AHCTF1: variants seen among roughly 807,000 people sequenced by gnomAD.
The protein encoded by AHCTF1 is AT-hook containing transcription factor 1.
A neutral mutation model predicts 248.4 loss-of-function variants in AHCTF1; 24 were observed. That is an observed-to-expected ratio of 0.10 (90% confidence interval 0.07 to 0.14). AHCTF1 has a LOEUF of 0.14. Ranked by LOEUF, AHCTF1 falls within the 10% of genes least tolerant of loss-of-function variation. AHCTF1 has a pLI of 1.00. For missense variants in AHCTF1, 2,206 were observed against 2,636.2 expected, an observed-to-expected ratio of 0.84 and a Z score of 3.57; for synonymous variants, 786 against 929.8, an observed-to-expected ratio of 0.85 and a Z score of 2.81.
Position 246,840,935 on chromosome 1 carries a change from C to T in AHCTF1, c.6672G>A (p.Leu2224=). 6.2e-7 allele frequency: 1 copy of T among 1,612,010 alleles called. No homozygotes were observed. The highest frequency in any genetic ancestry group is 8.5e-7 in the Non-Finnish European group (1 of 1,179,184). The change falls in exon 36 of 36, where the codon TTG becomes TTA. Residue 2224 remains leucine (L), a synonymous_variant. Coordinates refer to ENST00000648844, the MANE Select transcript of AHCTF1 (RefSeq NM_001323342.2). The part of the protein sequence containing the change: ...PPIEIRLISP[L]ASPADGVKSK... ...TCTTGACTCCGTCAGCTGGGCTAGC[C>T]AAGGGGGAAATCAGCCGAATTTCTA...
chr1:246,890,177 G>T (rs554255767), intron 16 of AHCTF1, 118 bp from the exon 17 acceptor site: 1 of 651,414 alleles, frequency 1.5e-6, no homozygotes, highest in East Asian at 3.0e-5. Flanking sequence ...CCCACAGGGT[G>T]GGTATATTTA....
intron 24 of AHCTF1, 26 bp downstream of exon 24, chr1:246,876,011 A>G (rs756754128): frequency 6.4e-7 from 1 of 1,563,586 alleles, no homozygotes; most frequent in Non-Finnish European, 8.7e-7. Flanking sequence ...CCAATAGATT[A>G]TGATATTCTT....
At chr1:246,894,262 T>C (rs995861485) in intron 14 of AHCTF1, among the ~76,000 whole-genome samples, 2 of 152,300 alleles carry the variant, frequency 1.3e-5, no homozygotes, top group East Asian at 1.9e-4. Flanking sequence ...TTTTGGGACA[T>C]CTTCAAATTT....
In AHCTF1 at chr1:246,839,564, A is replaced by G. The variant is rs1659697974; in HGVS notation, c.*1242T>C. ...AAGGCCGCACTCGCACTGCTTTCAC[A>G]CTGTCAACACTTTGCGTAGGCATTT... On this transcript the variant is annotated 3_prime_UTR_variant, in exon 36 of 36. Transcript: ENST00000648844. 8.1e-6 allele frequency: 8 copies of G among 985,680 alleles called. 1 individual carries two copies. The highest frequency in any genetic ancestry group is 6.1e-5 in the Admixed American group (1 of 16,266). The allele number at this position is 985,680 out of a possible 1,614,324, so 61.1% of individuals were successfully genotyped here. A position where few individuals can be genotyped will look rare whatever the true frequency, so the allele number is the denominator to read the frequency against.
At chr1:246,909,106 T>TCTAC (rs1665609111) in intron 4 of AHCTF1, among the ~76,000 whole-genome samples, 1 of 150,028 alleles carries the variant, frequency 6.7e-6, no homozygotes, top group Admixed American at 6.7e-5. Context: ...TATCTATCTA[T>TCTAC]CTATTTATAT....
At chr1:246,904,362 T>A (rs1665233709) in intron 6 of AHCTF1, among the ~76,000 whole-genome samples, 1 of 152,210 alleles carries the variant, frequency 6.6e-6, no homozygotes, top group African/African-American at 2.4e-5. Context: ...TGCCTAAAGT[T>A]CTATAACATC....
chr1:246,930,163 T>G (rs7549514), intron 1 of AHCTF1, among the ~76,000 whole-genome samples: 39,763 of 151,906 alleles, frequency 0.26, 6,560 homozygotes, highest in African/African-American at 0.47. Context: ...TAGCAACAGG[T>G]TCTCGCTCTG....
chr1:246,861,278 T>C lies in AHCTF1; in HGVS notation c.3753A>G (p.Lys1251=). ...KWIPGAADDS[K]LEVFTTPKKC... ...TTTTAGGTGTAGTAAATACTTCTAA[T>C]TTGCTATCATCTGCAGCCTGTAAAG... Residue 1251 remains lysine, a synonymous_variant, in exon 29 of 36, where the codon AAA becomes AAG. Transcript: ENST00000648844. 1 of 1,607,994 alleles carries C rather than the reference T, an allele frequency of 6.2e-7. No homozygotes were observed. Among genetic ancestry groups the C allele is most frequent in the Non-Finnish European group, 8.5e-7 (1 of 1,176,120 alleles).
At chr1:246,918,181 A>G in intron 2 of AHCTF1, 69 bp downstream of exon 2, 1 of 1,418,936 alleles carries the variant, frequency 7.0e-7, no homozygotes, top group Non-Finnish European at 9.3e-7. Context: ...AGAAACTATA[A>G]TATATACTTA....
At chr1:246,900,911 A>G (rs1034524751) in intron 8 of AHCTF1, among the ~76,000 whole-genome samples, 1 of 152,246 alleles carries the variant, frequency 6.6e-6, no homozygotes, top group Non-Finnish European at 1.5e-5. Flanking sequence ...GTTATAAGGT[A>G]AAGAGAGAAA....
rs749835998 is a variant in AHCTF1 at position 246,849,941 on chromosome 1, A to G, written c.6065T>C (p.Val2022Ala). 3.7e-6 allele frequency: 6 copies of G among 1,613,970 alleles called. No individual in the cohort carries two copies. In the South Asian group the frequency reaches 6.6e-5, roughly 18 times the overall value. ...NTPAKSENVD[V>A]GKPALGKSIL... is the part of the protein sequence containing the mutation. ...GGATTTTCCTAAAGCTGGTTTTCCA[A>G]CATCAACATTTTCACTTTTAGCTGG... Residue 2022 changes from valine to alanine, a missense_variant, in exon 33 of 36, where the codon GTT becomes GCT. Transcript: ENST00000648844.
intron 3 of AHCTF1, 62 bp downstream of exon 3, chr1:246,916,080 A>T (rs1396109839): frequency 1.3e-6 from 2 of 1,552,500 alleles, no homozygotes; most frequent in East Asian, 4.5e-5. Context: ...TAACACACCT[A>T]TATAACCAGC....
intron 11 of AHCTF1, 41 bp downstream of exon 11, chr1:246,899,410 C>T (rs2103166817): frequency 6.8e-7 from 1 of 1,474,806 alleles, no homozygotes; most frequent in East Asian, 2.3e-5. Flanking sequence ...ATTCTAAGAT[C>T]TGACTTCAGT....
In AHCTF1 at chr1:246,864,136, T is replaced by A; in HGVS notation, c.3348-20A>T. The stretch of plus-strand genomic sequence containing the variant: ...AGCAGTCTGTAATCAGAATGCGCAT[T>A]TATTGAGTTATACTGAAAAAACAAA... On this transcript the variant is annotated intron_variant, in intron 26 of 35. Transcript: ENST00000648844. The A allele has an allele frequency of 6.2e-7, 1 of 1,607,770 alleles. No homozygotes were observed. The highest frequency in any genetic ancestry group is 8.5e-7 in the Non-Finnish European group (1 of 1,177,062).
intron 14 of AHCTF1, among the ~76,000 whole-genome samples, chr1:246,893,928 T>TGTA (rs1664388416): frequency 6.6e-6 from 1 of 152,238 alleles, no homozygotes; most frequent in African/African-American, 2.4e-5. Flanking sequence ...TTTGGCTGGA[T>TGTA]GTAGTGGCTC....
intron 24 of AHCTF1, among the ~76,000 whole-genome samples, chr1:246,871,092 T>C (rs1662562571): frequency 6.6e-6 from 1 of 152,150 alleles, no homozygotes; most frequent in African/African-American, 2.4e-5. Context: ...GGGGAGCACT[T>C]ACCCAAATGC....
chr1:246,896,481 T>C (rs74997643), intron 12 of AHCTF1, among the ~76,000 whole-genome samples: 2 of 152,300 alleles, frequency 1.3e-5, no homozygotes, highest in African/African-American at 2.4e-5. Flanking sequence ...GACCCATTTA[T>C]ATGAAATGTC....
At chr1:246,904,099 G>GCAAAC in intron 6 of AHCTF1, 66 bp from the exon 7 acceptor site, 1 of 1,392,122 alleles carries the variant, frequency 7.2e-7, no homozygotes, top group Non-Finnish European at 1.0e-6. Context: ...TACTGTCCAA[G>GCAAAC]TAAGTTTAGT....
chr1:246,920,806 C>T (rs1187522877), intron 1 of AHCTF1, among the ~76,000 whole-genome samples: 2 of 151,574 alleles, frequency 1.3e-5, no homozygotes, highest in African/African-American at 4.9e-5. Context: ...ATAAAAGCAT[C>T]CAGGCACGGT....
Sources: allele counts gnomAD v4.1 joint callset (sites outside exome capture counted in the v4.1 genomes callset), GRCh38; gene constraint gnomAD v4.1.1; transcripts MANE v1.5; gene names NCBI Gene and HGNC (gene_info 2026-07-23, HGNC 2026-07-21).